Variants in AKAP6 observed in about 807,000 individuals in gnomAD.
The protein encoded by AKAP6 is A-kinase anchor protein 6.
In AKAP6, 58 loss-of-function variants were observed where a neutral mutation model predicts 188.5. That is an observed-to-expected ratio of 0.31 (90% CI 0.25 to 0.38). The LOEUF is 0.38. Among genes scored for constraint, AKAP6 ranks in the 10% least tolerant of loss-of-function variants. AKAP6 has a pLI of 1.00. For synonymous variants in AKAP6, 989 were observed against 998.6 expected, an observed-to-expected ratio of 0.99 and a Z score of 0.18; for missense variants, 2,710 against 2,740.0, an observed-to-expected ratio of 0.99 and a Z score of 0.24.
At chr14:32,432,085 G>A (rs973659865) in intron 1 of AKAP6, among the ~76,000 whole-genome samples, 15 of 151,172 alleles carry the variant, frequency 9.9e-5, no homozygotes, top group Middle Eastern at 3.2e-3. Flanking sequence ...CTGAATATTT[G>A]TTACTGTACA....
intron 1 of AKAP6, among the ~76,000 whole-genome samples, chr14:32,380,133 G>A (rs1205045096): frequency 1.3e-5 from 2 of 152,184 alleles, no homozygotes; most frequent in Non-Finnish European, 2.9e-5. Context: ...TATCTGATTT[G>A]AATCTCTAGC....
chr14:32,384,567 T>A (rs765519544), intron 1 of AKAP6, among the ~76,000 whole-genome samples: 21 of 152,268 alleles, frequency 1.4e-4, no homozygotes, highest in South Asian at 6.2e-4. Flanking sequence ...GAGAAATGAT[T>A]TGTTTAATAC....
At chr14:32,637,726 G>A (rs959022004) in intron 7 of AKAP6, among the ~76,000 whole-genome samples, 3 of 152,112 alleles carry the variant, frequency 2.0e-5, no homozygotes, top group South Asian at 4.2e-4. Flanking sequence ...AGATGAGGGT[G>A]GAGAGTGGGA....
Position 32,835,579 on chromosome 14 carries a change from G to C in AKAP6, c.*5774G>C, listed in dbSNP as rs1441731860. 1 of 152,012 alleles carries C rather than the reference G, an allele frequency of 6.6e-6. No individual in the cohort carries two copies. Among genetic ancestry groups the C allele is most frequent in the Non-Finnish European group, 1.5e-5 (1 of 68,012 alleles). 9.4% of individuals were successfully genotyped at this position (152,012 alleles called of 1,614,324 possible). A position where few individuals can be genotyped will look rare whatever the true frequency, so the allele number is the denominator to read the frequency against. ...TTAAATTCAGGCCATTTCACAGTCAGTTTTTTTCAAATTCATTTTTCAACT... is the reference window on the plus strand; with the variant it reads ...TTAAATTCAGGCCATTTCACAGTCACTTTTTTTCAAATTCATTTTTCAACT... On this transcript the variant is annotated 3_prime_UTR_variant, in exon 14 of 14. Coordinates refer to ENST00000280979, the MANE Select transcript of AKAP6 (RefSeq NM_004274.5).
At chr14:32,656,008 T>C (rs1888438848) in intron 7 of AKAP6, among the ~76,000 whole-genome samples, 1 of 152,138 alleles carries the variant, frequency 6.6e-6, no homozygotes, top group Non-Finnish European at 1.5e-5. Context: ...CGTCTAGATA[T>C]TTCAGTGAAA....
intron 2 of AKAP6, among the ~76,000 whole-genome samples, chr14:32,466,271 G>T (rs1167769706): frequency 6.6e-6 from 1 of 152,190 alleles, no homozygotes; most frequent in African/African-American, 2.4e-5. Flanking sequence ...AGAGATGCAT[G>T]CACATGTATG....
At chr14:32,699,581 T>C (rs535766667) in intron 9 of AKAP6, among the ~76,000 whole-genome samples, 9 of 152,330 alleles carry the variant, frequency 5.9e-5, no homozygotes, top group South Asian at 4.1e-4. Flanking sequence ...TTCCCTTAAA[T>C]GTACTTTCTT....
intron 2 of AKAP6, among the ~76,000 whole-genome samples, chr14:32,452,849 A>G (rs1282395831): frequency 6.6e-6 from 1 of 152,232 alleles, no homozygotes; most frequent in Non-Finnish European, 1.5e-5. Flanking sequence ...GAATAATAGT[A>G]TCTACCATTT....
rs188715976 is a variant in AKAP6 at position 32,350,183 on chromosome 14, A to G, written c.-35+20775A>G. Among the ~76,000 whole-genome samples, 141 of 152,294 alleles carry G rather than the reference A, an allele frequency of 9.3e-4. 3 individuals are homozygous for G. In the East Asian group the frequency reaches 0.026, roughly 28 times the overall value. On this transcript the variant is annotated intron_variant, in intron 1 of 13. Transcript: ENST00000280979. ...AGAAAACAGGATATGAAAGTGAACAATAGTAGCTTTACAGTAGTGAAACCT... is the reference window on the plus strand; with the variant it reads ...AGAAAACAGGATATGAAAGTGAACAGTAGTAGCTTTACAGTAGTGAAACCT...
rs1219724905 is a variant in AKAP6, at chr14:32,836,675, G to A, written c.*6870G>A. 6.6e-6 allele frequency: 1 copy of A among 152,030 alleles called. No individual in the cohort carries two copies. Among genetic ancestry groups the A allele is most frequent in the Non-Finnish European group, 1.5e-5 (1 of 68,024 alleles). 9.4% of individuals were successfully genotyped at this position (152,030 alleles called of 1,614,324 possible). Reference sequence around the variant, plus strand: ...CTCAAAAAAGTATTCCAAAATTTTGGTACTCTATTATGGGTTACAAACCCC... The same window carrying A: ...CTCAAAAAAGTATTCCAAAATTTTGATACTCTATTATGGGTTACAAACCCC... On this transcript the variant is annotated 3_prime_UTR_variant, in exon 14 of 14. Transcript: ENST00000280979.
intron 2 of AKAP6, among the ~76,000 whole-genome samples, chr14:32,448,219 G>GT (rs1890822011): frequency 1.3e-5 from 2 of 152,114 alleles, no homozygotes; most frequent in Admixed American, 1.3e-4. Context: ...CTTCATCACT[G>GT]TAAGCGGAGG....
chr14:32,471,864 C>T (rs1878801569), intron 2 of AKAP6, among the ~76,000 whole-genome samples: 3 of 152,104 alleles, frequency 2.0e-5, no homozygotes, highest in Admixed American at 2.0e-4. Flanking sequence ...GATAACGCAG[C>T]GTGTTAAGCA....
At chr14:32,430,275 C>G (rs567319565) in intron 1 of AKAP6, among the ~76,000 whole-genome samples, 54 of 152,212 alleles carry the variant, frequency 3.5e-4, no homozygotes, top group South Asian at 3.3e-3. Flanking sequence ...CTATCTAGTT[C>G]CGTTTTGTCA....
At chr14:32,737,080 A>G (rs2031461900) in intron 11 of AKAP6, among the ~76,000 whole-genome samples, 3 of 152,084 alleles carry the variant, frequency 2.0e-5, no homozygotes, top group South Asian at 2.1e-4. Flanking sequence ...ACCCATCCTA[A>G]CCTCTACTGC....
intron 8 of AKAP6, among the ~76,000 whole-genome samples, chr14:32,689,373 C>T (rs376248943): frequency 6.6e-5 from 10 of 152,074 alleles, no homozygotes; most frequent in Admixed American, 3.3e-4. Context: ...AGATGGTCCA[C>T]GAGAAAGTGG....
intron 2 of AKAP6, among the ~76,000 whole-genome samples, chr14:32,450,310 A>ATGTG (rs113766291): frequency 1.4e-4 from 21 of 151,822 alleles, no homozygotes; most frequent in Middle Eastern, 3.2e-3. Flanking sequence ...GTGAGCTGGG[A>ATGTG]TGTGTGTGTG....
chr14:32,612,921 T>C (rs1886413897), intron 7 of AKAP6, among the ~76,000 whole-genome samples: 1 of 152,178 alleles, frequency 6.6e-6, no homozygotes, highest in Non-Finnish European at 1.5e-5. Flanking sequence ...GGTCTCTAAA[T>C]TGACATAAAT....
At chr14:32,522,271 G>T (rs1334951804) in intron 2 of AKAP6, among the ~76,000 whole-genome samples, 3 of 152,208 alleles carry the variant, frequency 2.0e-5, no homozygotes, top group Non-Finnish European at 4.4e-5. Flanking sequence ...TCAGGACATA[G>T]GCATGGGCAA....
chr14:32,819,421 T>A (rs951327012), intron 12 of AKAP6, among the ~76,000 whole-genome samples: 2 of 152,202 alleles, frequency 1.3e-5, no homozygotes, highest in Non-Finnish European at 2.9e-5. Flanking sequence ...TACTGAGGAA[T>A]ACAAGCATCA....
Sources: allele counts gnomAD v4.1 joint callset (sites outside exome capture counted in the v4.1 genomes callset), GRCh38; gene constraint gnomAD v4.1.1; transcripts MANE v1.5; gene names NCBI Gene and HGNC (gene_info 2026-07-23, HGNC 2026-07-21).